KLHL36: variants seen among roughly 807,000 people sequenced by gnomAD.
The protein encoded by KLHL36 is kelch-like protein 36.
KLHL36 carries 35 observed loss-of-function variants against 53.3 expected under a neutral mutation model. The ratio of observed to expected loss-of-function variants is 0.66; its 90% CI spans 0.50 to 0.87. The LOEUF (loss-of-function observed/expected upper bound fraction) is 0.87. Ranked by LOEUF, KLHL36 falls within the 40% of genes least tolerant of loss-of-function variation. The probability of loss-of-function intolerance (pLI) is 0.00; values close to 1 mark genes in which losing one functional copy is unlikely to be tolerated. For synonymous variants in KLHL36, 472 were observed against 398.9 expected, an observed-to-expected ratio of 1.18 and a Z score of -2.18; for missense variants, 864 against 897.6, an observed-to-expected ratio of 0.96 and a Z score of 0.48.
At chr16:84,658,017 C>G in intron 3 of KLHL36, 73 bp downstream of exon 3, 1 of 1,149,102 alleles carries the variant, frequency 8.7e-7, no homozygotes, top group Non-Finnish European at 1.2e-6. Flanking sequence ...CTTGACTTTC[C>G]TTACCTCTCT....
intron 1 of KLHL36, among the ~76,000 whole-genome samples, 200 bp from the exon 2 acceptor site, chr16:84,650,652 T>G (rs1359340359): frequency 6.6e-6 from 1 of 152,100 alleles, no homozygotes; most frequent in African/African-American, 2.4e-5. Flanking sequence ...GAATGGGAGT[T>G]AAATGTTCTG....
intron 4 of KLHL36, among the ~76,000 whole-genome samples, chr16:84,660,521 A>G (rs1158374679): frequency 1.3e-5 from 2 of 152,150 alleles, no homozygotes; most frequent in African/African-American, 4.8e-5. Context: ...TTTTTCCACC[A>G]GTTCCCTGTT....
chr16:84,661,165 G>A lies in KLHL36; in HGVS notation c.1296-413G>A, dbSNP rs1028910733. 5.9e-5 allele frequency among the ~76,000 whole-genome samples: 9 copies of A among 152,104 alleles called. No homozygotes were observed. Among genetic ancestry groups the A allele is most frequent in the Admixed American group, 1.3e-4 (2 of 15,276 alleles). On this transcript the variant is annotated intron_variant, in intron 4 of 4. Transcript: ENST00000564996. The surrounding 1 kb of genome is among the most constrained non-coding windows in gnomAD (Gnocchi z 7.9). ...TATGGTTTTAGGCAAAACTTTTCCC[G>A]AGTGCCAGCACAGTTAGAATTGGAC...
intron 3 of KLHL36, chr16:84,659,437 A>T (rs114202295): frequency 1.0e-5 from 3 of 293,924 alleles, no homozygotes; most frequent in East Asian, 7.1e-5. Context: ...TAGATCAGCA[A>T]TTCTGACCCC....
In KLHL36 at chr16:84,659,848, G is replaced by C; in HGVS notation, c.1226G>C (p.Gly409Ala). ...LVAIGGRNEN[G>A]ALSSVETYSP... The stretch of plus-strand genomic sequence containing the variant: ...GCCATCGGCGGCCGGAATGAGAACG[G>C]AGCGCTCTCTTCAGTAGAGACGTAC... The change falls in exon 4 of 5, where the codon GGA becomes GCA. Residue 409 changes from glycine (G) to alanine (A), a missense_variant. Coordinates refer to ENST00000564996, the MANE Select transcript of KLHL36 (RefSeq NM_024731.4). The C allele has an allele frequency of 6.2e-7, 1 of 1,614,142 alleles. No homozygotes were observed. Among genetic ancestry groups the C allele is most frequent in the Non-Finnish European group, 8.5e-7 (1 of 1,180,002 alleles).
Position 84,657,434 on chromosome 16 carries a change from C to A in KLHL36, c.627C>A (p.Asp209Glu). Residue 209 changes from aspartate to glutamate, a missense_variant, in exon 3 of 5, where the codon GAC (aspartate) becomes GAA (glutamate). Coordinates refer to ENST00000564996, the MANE Select transcript of KLHL36 (RefSeq NM_024731.4). ...AGGTGCAGCGGGAGTGTGAGCACGA[C>A]CTCCTGCAGGCCGCCCTGCAGTGGC... ...SSEVQRECEH[D>E]LLQAALQWLT... is the part of the protein sequence containing the mutation. 1 of 1,606,268 alleles carries A rather than the reference C, an allele frequency of 6.2e-7. No homozygotes were observed. Among genetic ancestry groups the A allele is most frequent in the Non-Finnish European group, 8.5e-7 (1 of 1,179,958 alleles).
In KLHL36 at chr16:84,657,492, C is replaced by T. The variant is rs767334523; in HGVS notation, c.685C>T (p.Arg229Cys). 2.1e-5 allele frequency: 34 copies of T among 1,608,284 alleles called. No individual in the cohort carries two copies. The highest frequency in any genetic ancestry group is 6.7e-5 in the East Asian group (3 of 44,882). ...TQQPEREAHA[R>C]QVLENIHFPL... ...GCAGCCCGAGCGCGAGGCCCACGCC[C>T]GCCAGGTGCTGGAGAACATCCACTT... The change falls in exon 3 of 5, where the codon CGC becomes TGC. Residue 229 changes from arginine to cysteine, a missense_variant. Arg to Cys is a radical substitution (Grantham distance 180). Transcript: ENST00000564996.
intron 2 of KLHL36, among the ~76,000 whole-genome samples, chr16:84,653,342 C>A (rs914645330): frequency 6.6e-6 from 1 of 152,158 alleles, no homozygotes; most frequent in African/African-American, 2.4e-5. Flanking sequence ...CTTGGCCTTG[C>A]ATCTGATTAA....
intron 3 of KLHL36, chr16:84,659,500 G>A (rs1336566684): frequency 1.2e-5 from 5 of 424,544 alleles, no homozygotes; most frequent in Non-Finnish European, 2.1e-5. Flanking sequence ...AGAGAAGTTC[G>A]GGGGTTCAGA....
At position 84,662,683 on chromosome 16, in the gene KLHL36, GT is replaced by G. The variant is rs1485219746; in HGVS notation, c.*551del. ...CTGGGAATCACTGGCAAGGTCCAGT[GT>G]GTTTGTTTTATAAATGAGTGCACAG... On this transcript the variant is annotated 3_prime_UTR_variant, in exon 5 of 5. Coordinates refer to ENST00000564996, the MANE Select transcript of KLHL36 (RefSeq NM_024731.4). 1 of 153,026 alleles carries G rather than the reference GT, an allele frequency of 6.5e-6. No homozygotes were observed. Among genetic ancestry groups the G allele is most frequent in the Non-Finnish European group, 1.5e-5 (1 of 68,624 alleles). 9.5% of individuals were successfully genotyped at this position (153,026 alleles called of 1,614,324 possible).
chr16:84,659,815 T>A lies in KLHL36; in HGVS notation c.1193T>A (p.Met398Lys). Residue 398 changes from methionine (M) to lysine (K), a missense_variant, in exon 4 of 5, where the codon ATG (methionine) becomes AAG (lysine). Coordinates refer to ENST00000564996, the MANE Select transcript of KLHL36 (RefSeq NM_024731.4). The stretch of plus-strand genomic sequence containing the variant: ...TTCTACCTTGCCTCCATCGAAGACA[T>A]GCTGGTGGCCATCGGCGGCCGGAAT... ...VDFYLASIED[M>K]LVAIGGRNEN... 2 of 1,614,144 alleles carry A rather than the reference T, an allele frequency of 1.2e-6. No homozygotes were observed. The highest frequency in any genetic ancestry group is 1.7e-6 in the Non-Finnish European group (2 of 1,180,022).
intron 2 of KLHL36, among the ~76,000 whole-genome samples, chr16:84,656,319 G>A (rs1907196135): frequency 6.6e-6 from 1 of 150,612 alleles, no homozygotes; most frequent in Non-Finnish European, 1.5e-5. Flanking sequence ...TCCCAGGCTG[G>A]AGTGTAGTGG....
rs1907259101 is a variant in KLHL36, at chr16:84,657,214, G to A, written c.407G>A (p.Cys136Tyr). The A allele has an allele frequency of 6.2e-7, 1 of 1,614,176 alleles. No homozygotes were observed. The highest frequency in any genetic ancestry group is 8.5e-7 in the Non-Finnish European group (1 of 1,180,030). The change falls in exon 3 of 5, where the codon TGT (cysteine) becomes TAT (tyrosine). Residue 136 changes from cysteine (C) to tyrosine (Y), a missense_variant. Coordinates refer to ENST00000564996, the MANE Select transcript of KLHL36 (RefSeq NM_024731.4). Reference protein sequence around the residue: ...LQIWTVVDFCCEYLEQEVSED... With the variant: ...LQIWTVVDFCYEYLEQEVSED... Reference sequence around the variant, plus strand: ...ATCTGGACGGTGGTAGACTTCTGCTGTGAGTACCTGGAGCAGGAGGTGAGC... The same window carrying A: ...ATCTGGACGGTGGTAGACTTCTGCTATGAGTACCTGGAGCAGGAGGTGAGC...
intron 2 of KLHL36, among the ~76,000 whole-genome samples, chr16:84,652,929 G>A (rs1456187170): frequency 6.6e-6 from 1 of 152,092 alleles, no homozygotes; most frequent in African/African-American, 2.4e-5. Flanking sequence ...CCTAAGATGT[G>A]TTGCTCAGCC....
Position 84,666,385 on chromosome 16 carries a change from T to C in KLHL36, c.*4252T>C, listed in dbSNP as rs767456444. The C allele has an allele frequency of 1.3e-5, 2 of 152,262 alleles. No individual in the cohort carries two copies. The highest frequency in any genetic ancestry group is 4.2e-4 in the South Asian group (2 of 4,814). The allele number at this position is 152,262 out of a possible 1,614,324, so 9.4% of individuals were successfully genotyped here. On this transcript the variant is annotated 3_prime_UTR_variant, in exon 5 of 5. Transcript: ENST00000564996. ...AGCTCTAGAATTTCGTGAAGTTGCATGCAAAGTTGCATGCAGCCCGTGGGT... is the reference window on the plus strand; with the variant it reads ...AGCTCTAGAATTTCGTGAAGTTGCACGCAAAGTTGCATGCAGCCCGTGGGT...
Position 84,662,279 on chromosome 16 carries a change from C to T in KLHL36, c.*146C>T. ...GATTCTTGGTATTTCTATGATATCACAGTAACCAATTAAATACTATCTGTA... is the reference window on the plus strand; with the variant it reads ...GATTCTTGGTATTTCTATGATATCATAGTAACCAATTAAATACTATCTGTA... On this transcript the variant is annotated 3_prime_UTR_variant, in exon 5 of 5. Coordinates refer to ENST00000564996, the MANE Select transcript of KLHL36 (RefSeq NM_024731.4). The T allele has an allele frequency of 1.4e-6, 1 of 740,664 alleles. No individual in the cohort carries two copies. The allele number at this position is 740,664 out of a possible 1,614,324, so 45.9% of individuals were successfully genotyped here. A position where few individuals can be genotyped will look rare whatever the true frequency, so the allele number is the denominator to read the frequency against.
In KLHL36 at chr16:84,667,318, C is replaced by T. The variant is rs930689232; in HGVS notation, c.*5185C>T. On this transcript the variant is annotated 3_prime_UTR_variant, in exon 5 of 5. Transcript: ENST00000564996. ...ACCACTAGCCCCCTTTCAAAATCAG[C>T]GAGATATTTGATGATTAAGTGATTC... 2 of 152,206 alleles carry T rather than the reference C, an allele frequency of 1.3e-5. No homozygotes were observed. Among genetic ancestry groups the T allele is most frequent in the African/African-American group, 2.4e-5 (1 of 41,536 alleles). 9.4% of individuals were successfully genotyped at this position (152,206 alleles called of 1,614,324 possible).
rs942689002 is a variant in KLHL36, at chr16:84,665,893, C to G, written c.*3760C>G. On this transcript the variant is annotated 3_prime_UTR_variant, in exon 5 of 5. Transcript: ENST00000564996. ...CCCCTGTAGAGTCACTGACCTTCAT[C>G]CTTCACCCTGGTCCTCCATGGTGCA... 1 of 152,242 alleles carries G rather than the reference C, an allele frequency of 6.6e-6. No homozygotes were observed. The highest frequency in any genetic ancestry group is 6.5e-5 in the Admixed American group (1 of 15,288). 9.4% of individuals were successfully genotyped at this position (152,242 alleles called of 1,614,324 possible).
rs766188962 is a variant in KLHL36, at chr16:84,657,500, G to A, written c.693G>A (p.Val231=). 1.9e-6 allele frequency: 3 copies of A among 1,608,948 alleles called. No individual in the cohort carries two copies. Among genetic ancestry groups the A allele is most frequent in the Non-Finnish European group, 1.7e-6 (2 of 1,179,882 alleles). Residue 231 remains valine (V), a synonymous_variant, in exon 3 of 5, where the codon GTG becomes GTA. Coordinates refer to ENST00000564996, the MANE Select transcript of KLHL36 (RefSeq NM_024731.4). The part of the protein sequence containing the change: ...QPEREAHARQ[V]LENIHFPLIP... ...AGCGCGAGGCCCACGCCCGCCAGGT[G>A]CTGGAGAACATCCACTTCCCGCTCA...
Sources: gnomAD v4.1 joint callset for allele counts (sites outside exome capture counted in the v4.1 genomes callset) on GRCh38, gnomAD v4.1.1 for gene constraint, Gnocchi (gnomAD v3.1) non-coding constraint, MANE v1.5 for transcripts, NCBI Gene and HGNC (gene_info 2026-07-23, HGNC 2026-07-21) for gene names.